The following TMEM181 variants were observed in gnomAD, a reference collection of about 807,000 sequenced individuals.
TMEM181 encodes transmembrane protein 181, also known as G protein-coupled receptor 178.
A neutral mutation model predicts 71.9 loss-of-function variants in TMEM181; 39 were observed. The ratio of observed to expected loss-of-function variants is 0.54; its 90% CI spans 0.42 to 0.71. The LOEUF (loss-of-function observed/expected upper bound fraction) is 0.71. Among genes scored for constraint, TMEM181 ranks in the 30% least tolerant of loss-of-function variants. The probability of loss-of-function intolerance (pLI) is 0.00; values close to 1 mark genes in which losing one functional copy is unlikely to be tolerated. For synonymous variants in TMEM181, 245 were observed against 228.8 expected, an observed-to-expected ratio of 1.07 and a Z score of -0.64; for missense variants, 595 against 583.0, an observed-to-expected ratio of 1.02 and a Z score of -0.21.
intron 12 of TMEM181, among the ~76,000 whole-genome samples, chr6:158,625,442 A>G (rs973431168): frequency 9.2e-5 from 14 of 152,110 alleles, no homozygotes; most frequent in African/African-American, 3.4e-4. Context: ...TACCCTGCAG[A>G]GCAGGGCGAG....
chr6:158,540,259 A>G (rs1179933017), intron 1 of TMEM181, among the ~76,000 whole-genome samples: 2 of 152,208 alleles, frequency 1.3e-5, no homozygotes, highest in African/African-American at 4.8e-5. Context: ...ATGTTCACGC[A>G]CTGCGGATGG....
chr6:158,602,287 C>G (rs1424460944), intron 6 of TMEM181, among the ~76,000 whole-genome samples: 2 of 152,194 alleles, frequency 1.3e-5, no homozygotes, highest in Non-Finnish European at 2.9e-5. Flanking sequence ...ATTCATTCAC[C>G]TGTTGATGGA....
intron 16 of TMEM181, 117 bp from the exon 17 acceptor site, chr6:158,631,693 G>GA: frequency 1.6e-6 from 2 of 1,225,026 alleles, no homozygotes; most frequent in Non-Finnish European, 2.3e-6. Context: ...GTTGGTGATA[G>GA]AAAATTGAAA....
chr6:158,631,358 C>G lies in TMEM181; in HGVS notation c.1318C>G (p.Leu440Val). ...GAAAGACAATCCTGCCTTCTCCATGCTGAATGACTCGGATGATGATGTGAT... is the reference window on the plus strand; with the variant it reads ...GAAAGACAATCCTGCCTTCTCCATGGTGAATGACTCGGATGATGATGTGAT... ...QLKDNPAFSMLNDSDDDVIYG... is the reference protein window; with the variant it reads ...QLKDNPAFSMVNDSDDDVIYG... Residue 440 changes from leucine (L) to valine (V), a missense_variant, in exon 16 of 17, where the codon CTG (leucine) becomes GTG (valine). Transcript: ENST00000684151. 6.2e-7 allele frequency: 1 copy of G among 1,614,214 alleles called. No individual in the cohort carries two copies. The highest frequency in any genetic ancestry group is 2.2e-5 in the East Asian group (1 of 44,874).
chr6:158,565,779 G>T (rs1291016856), intron 1 of TMEM181, among the ~76,000 whole-genome samples: 1 of 151,892 alleles, frequency 6.6e-6, no homozygotes, highest in Non-Finnish European at 1.5e-5. Flanking sequence ...CCCCTGCAAT[G>T]AAATCCTGAA....
At chr6:158,618,667 G>C (rs1448262747) in intron 10 of TMEM181, among the ~76,000 whole-genome samples, 8 of 152,190 alleles carry the variant, frequency 5.3e-5, no homozygotes, top group Non-Finnish European at 1.2e-4. Flanking sequence ...TCCTTCAGGA[G>C]CTCTTGTAAG....
chr6:158,625,788 C>T (rs552311650), intron 13 of TMEM181, 34 bp downstream of exon 13: 75 of 1,580,170 alleles, frequency 4.7e-5, no homozygotes, highest in East Asian at 1.6e-4. Flanking sequence ...AACAGCAAAA[C>T]GGAATTTTTC....
At chr6:158,622,502 T>A (rs1583050334) in intron 10 of TMEM181, among the ~76,000 whole-genome samples, 1 of 152,104 alleles carries the variant, frequency 6.6e-6, no homozygotes, top group Non-Finnish European at 1.5e-5. Context: ...GCAGCCGGGG[T>A]ACACAGGACA....
intron 1 of TMEM181, among the ~76,000 whole-genome samples, chr6:158,565,607 A>C (rs974093331): frequency 5.3e-5 from 8 of 152,228 alleles, no homozygotes; most frequent in Non-Finnish European, 8.8e-5. Flanking sequence ...AAATAGGAGA[A>C]CATGGAGGAA....
chr6:158,576,152 A>G (rs1237232072), intron 2 of TMEM181, among the ~76,000 whole-genome samples: 1 of 152,182 alleles, frequency 6.6e-6, no homozygotes, highest in Non-Finnish European at 1.5e-5. Context: ...AAGGCTTGCC[A>G]CTTCGAAGGG....
chr6:158,580,407 C>A (rs1441951128), intron 2 of TMEM181, among the ~76,000 whole-genome samples: 2 of 152,048 alleles, frequency 1.3e-5, no homozygotes, highest in African/African-American at 2.4e-5. Flanking sequence ...TATTTTGTCA[C>A]AGTAAAAATT....
intron 15 of TMEM181, among the ~76,000 whole-genome samples, chr6:158,630,591 G>A (rs540151873): frequency 1.3e-5 from 2 of 152,218 alleles, no homozygotes; most frequent in East Asian, 3.9e-4. Context: ...AAGCTGCAAT[G>A]TTCGGTGCCT....
At chr6:158,590,695 C>T (rs1784062963) in intron 6 of TMEM181, among the ~76,000 whole-genome samples, 1 of 151,768 alleles carries the variant, frequency 6.6e-6, no homozygotes, top group South Asian at 2.1e-4. Context: ...ATCTCCTGAC[C>T]TGGTGATCCG....
intron 1 of TMEM181, among the ~76,000 whole-genome samples, chr6:158,563,967 A>G (rs952153285): frequency 2.0e-5 from 3 of 152,110 alleles, no homozygotes; most frequent in African/African-American, 7.2e-5. Context: ...TAGTAGGGAC[A>G]CGGTTTTGCC....
At chr6:158,622,326 C>T (rs998110496) in intron 10 of TMEM181, among the ~76,000 whole-genome samples, 1 of 152,154 alleles carries the variant, frequency 6.6e-6, no homozygotes, top group East Asian at 1.9e-4. Context: ...ATGCCCCAGT[C>T]CCTGTGTGTG....
chr6:158,544,182 A>AGAGAGAGAGAGTGT (rs149735409), intron 1 of TMEM181, among the ~76,000 whole-genome samples: 19 of 127,562 alleles, frequency 1.5e-4, no homozygotes, highest in Non-Finnish European at 2.7e-4. Context: ...AATTGGAGAG[A>AGAGAGAGAGAGTGT]GTGTGTGTGT....
At chr6:158,556,595 C>G (rs117599349), upstream of TMEM181, among the ~76,000 whole-genome samples, 1 of 152,158 alleles carries the variant, frequency 6.6e-6, no homozygotes, top group Non-Finnish European at 1.5e-5. Flanking sequence ...ATGCCAGTCT[C>G]GCGTTGGACA....
chr6:158,567,151 A>G (rs143565055), intron 1 of TMEM181, among the ~76,000 whole-genome samples: 1 of 152,306 alleles, frequency 6.6e-6, no homozygotes, highest in East Asian at 1.9e-4. Flanking sequence ...CCTCTTGTGA[A>G]AAGCTGCATG....
At chr6:158,553,668 C>T (rs191642364) in intron 1 of TMEM181, among the ~76,000 whole-genome samples, 1 of 152,174 alleles carries the variant, frequency 6.6e-6, no homozygotes, top group Non-Finnish European at 1.5e-5. Flanking sequence ...AAAACCCATG[C>T]AACAGTATAT....
Sources: allele counts gnomAD v4.1 joint callset (sites outside exome capture counted in the v4.1 genomes callset), GRCh38; gene constraint gnomAD v4.1.1; transcripts MANE v1.5; gene names NCBI Gene and HGNC (gene_info 2026-07-23, HGNC 2026-07-21).